Variants in PCDHA3 observed in about 807,000 individuals in gnomAD.
PCDHA3 encodes the protein protocadherin alpha 3.
In PCDHA3, 41 loss-of-function variants were observed where a neutral mutation model predicts 62.2. That is an observed-to-expected ratio of 0.66 (90% CI 0.51 to 0.86). The LOEUF is 0.86. Ranked by LOEUF, PCDHA3 falls within the 40% of genes least tolerant of loss-of-function variation. The pLI is 0.00. For missense variants in PCDHA3, 1,304 were observed against 1,241.2 expected, an observed-to-expected ratio of 1.05 and a Z score of -0.76; for synonymous variants, 640 against 555.4, an observed-to-expected ratio of 1.15 and a Z score of -2.14.
At chr5:140,856,856 G>A in intron 1 of PCDHA3, 1 of 1,594,396 alleles carries the variant, frequency 6.3e-7, no homozygotes, top group Non-Finnish European at 8.6e-7. Context: ...TGATTCGGAT[G>A]AAGGAATAAA....
chr5:140,823,521 G>T, intron 1 of PCDHA3: 2 of 1,613,692 alleles, frequency 1.2e-6, no homozygotes, highest in Non-Finnish European at 8.5e-7. Context: ...TGGTGCCGAG[G>T]TCAGTGGGTG....
rs370196456 is a variant in PCDHA3 at position 140,805,586 on chromosome 5, A to G, written c.2394+1995A>G. On this transcript the variant is annotated intron_variant, in intron 1 of 3. Transcript: ENST00000522353. ...GGAAAGTTTTTAAATGGCTACCATT[A>G]TGTCTTTATATATTAAATTTCTTTA... The G allele has an allele frequency of 3.3e-3, 3,098 of 931,472 alleles. 7 individuals carry two copies. Among genetic ancestry groups the G allele is most frequent in the Non-Finnish European group, 3.6e-3 (2,843 of 780,682 alleles). 57.7% of individuals were successfully genotyped at this position (931,472 alleles called of 1,614,324 possible). A position where few individuals can be genotyped will look rare whatever the true frequency, so the allele number is the denominator to read the frequency against.
At chr5:140,869,174 G>A (rs2050887580) in intron 1 of PCDHA3, 1 of 1,613,958 alleles carries the variant, frequency 6.2e-7, no homozygotes, top group Non-Finnish European at 8.5e-7. Flanking sequence ...CTCGAATTCT[G>A]GGAGGTGGGG....
chr5:140,883,453 C>A lies in PCDHA3; in HGVS notation c.2394+79862C>A, dbSNP rs138388360. The stretch of plus-strand genomic sequence containing the variant: ...GCACCTTGACGCCGCATGTCCCCTT[C>A]AAGCTGGTGTCCACCTACAAGAACT... On this transcript the variant is annotated intron_variant, in intron 1 of 3. Transcript: ENST00000522353. 3.2e-5 allele frequency: 51 copies of A among 1,614,168 alleles called. No individual in the cohort carries two copies. In the East Asian group the frequency reaches 1.1e-3, roughly 35 times the overall value.
At chr5:140,848,740 G>A (rs2150419221) in intron 1 of PCDHA3, 5 of 1,593,114 alleles carry the variant, frequency 3.1e-6, no homozygotes, top group East Asian at 2.2e-5. Context: ...CTGCAGAATG[G>A]CATTTTGTTT....
intron 1 of PCDHA3, chr5:140,928,053 G>C: frequency 6.2e-7 from 1 of 1,614,212 alleles, no homozygotes; most frequent in Non-Finnish European, 8.5e-7. Context: ...CTTTTCAGCT[G>C]ACGGCTTCCT....
intron 1 of PCDHA3, among the ~76,000 whole-genome samples, chr5:140,936,879 C>A (rs2091197572): frequency 6.6e-6 from 1 of 152,054 alleles, no homozygotes; most frequent in African/African-American, 2.4e-5. Flanking sequence ...AAAAACCCTG[C>A]TTTGATTTTA....
At chr5:140,975,472 A>G (rs1012106018) in intron 1 of PCDHA3, among the ~76,000 whole-genome samples, 2 of 152,250 alleles carry the variant, frequency 1.3e-5, no homozygotes, top group African/African-American at 4.8e-5. Flanking sequence ...AATTCTGCCT[A>G]TCAGTTTATA....
intron 1 of PCDHA3, among the ~76,000 whole-genome samples, chr5:140,847,077 G>T (rs2150397168): frequency 6.7e-6 from 1 of 149,668 alleles, no homozygotes; most frequent in East Asian, 1.9e-4. Flanking sequence ...ATGACAAGTA[G>T]AAAAGTCCAC....
At chr5:140,829,851 C>T (rs2150176180) in intron 1 of PCDHA3, 2 of 1,613,942 alleles carry the variant, frequency 1.2e-6, no homozygotes, top group Non-Finnish European at 1.7e-6. Flanking sequence ...TCACTGGGTG[C>T]AGGCCAAGTG....
intron 3 of PCDHA3, among the ~76,000 whole-genome samples, chr5:140,990,314 CCAAA>C (rs2097387288): frequency 6.6e-6 from 1 of 152,212 alleles, no homozygotes; most frequent in Non-Finnish European, 1.5e-5. Context: ...AAAAAACCAA[CCAAA>C]CAAACTTTAA....
chr5:140,802,519 T>C lies in PCDHA3; in HGVS notation c.1322T>C (p.Val441Ala). The C allele has an allele frequency of 6.2e-7, 1 of 1,614,158 alleles. No individual in the cohort carries two copies. The highest frequency in any genetic ancestry group is 8.5e-7 in the Non-Finnish European group (1 of 1,180,036). Residue 441 changes from valine to alanine, a missense_variant, in exon 1 of 4, where the codon GTG (valine) becomes GCG (alanine). Transcript: ENST00000522353. ...GSPSLWATAS[V>A]SVEVADVNDN... ...CCTTCACTGTGGGCCACGGCCAGCG[T>C]GTCCGTGGAGGTGGCCGACGTGAAC...
intron 1 of PCDHA3, among the ~76,000 whole-genome samples, chr5:140,838,079 T>A (rs1373778941): frequency 4.7e-3 from 32 of 6,862 alleles, no homozygotes; most frequent in East Asian, 3.8e-3. Context: ...ATATATATAG[T>A]GTGTGTGTGT....
At chr5:140,882,332 G>A (rs782439110) in intron 1 of PCDHA3, 1 of 1,614,178 alleles carries the variant, frequency 6.2e-7, no homozygotes, top group Non-Finnish European at 8.5e-7. Flanking sequence ...TCTGATCCTC[G>A]CAGCCTGGGA....
chr5:140,860,511 C>T (rs2046428748), intron 1 of PCDHA3: 2 of 152,066 alleles, frequency 1.3e-5, no homozygotes, highest in Non-Finnish European at 2.9e-5. Flanking sequence ...CAAGATAAAA[C>T]TCTTCATGGA....
In PCDHA3 at chr5:141,003,093, C is replaced by T. The variant is rs80317990; in HGVS notation, c.2543-6534C>T. 2.0e-4 allele frequency among the ~76,000 whole-genome samples: 30 copies of T among 152,330 alleles called. No individual in the cohort carries two copies. The East Asian group carries it at 5.4e-3, about 27-fold the overall frequency. ...ATGAGGGTGAGTTTAACAGGCCTGG[C>T]ATTTGCTTCACAATCTTCTGGCCCT... On this transcript the variant is annotated intron_variant, in intron 3 of 3. Coordinates refer to ENST00000522353, the MANE Select transcript of PCDHA3 (RefSeq NM_018906.3).
At chr5:140,994,004 C>T (rs1366489476) in intron 3 of PCDHA3, among the ~76,000 whole-genome samples, 3 of 152,186 alleles carry the variant, frequency 2.0e-5, no homozygotes, top group Non-Finnish European at 2.9e-5. Context: ...AGGCCAGGCT[C>T]TGTTCTAGGT....
intron 1 of PCDHA3, among the ~76,000 whole-genome samples, chr5:140,910,738 C>G (rs2075147470): frequency 6.6e-6 from 1 of 152,098 alleles, no homozygotes; most frequent in Non-Finnish European, 1.5e-5. Context: ...GCTAACCAAG[C>G]ACATAAATTA....
chr5:140,899,848 C>T (rs2067590475), intron 1 of PCDHA3, among the ~76,000 whole-genome samples: 1 of 152,178 alleles, frequency 6.6e-6, no homozygotes, highest in Non-Finnish European at 1.5e-5. Flanking sequence ...TGCTGTGTCA[C>T]CCAGGCTGGA....
Sources: allele counts gnomAD v4.1 joint callset (sites outside exome capture counted in the v4.1 genomes callset), GRCh38; gene constraint gnomAD v4.1.1; transcripts MANE v1.5; gene names NCBI Gene and HGNC (gene_info 2026-07-23, HGNC 2026-07-21).